Variants in NBEAL1 observed in about 807,000 individuals in gnomAD.
NBEAL1 encodes neurobeachin like 1.
Under a neutral mutation model 351.3 loss-of-function variants are expected in NBEAL1, and 273 were observed. That is an observed-to-expected ratio of 0.78 (90% CI 0.70 to 0.86). The LOEUF is 0.86. Ranked by LOEUF, NBEAL1 falls within the 40% of genes least tolerant of loss-of-function variation. The pLI, the probability that NBEAL1 is intolerant of heterozygous loss-of-function variation, is 0.00. For missense variants in NBEAL1, 2,961 were observed against 3,201.3 expected (o/e 0.92, Z 1.81); for synonymous variants, 1,050 against 1,086.4 (o/e 0.97, Z 0.66).
intron 31 of NBEAL1, among the ~76,000 whole-genome samples, chr2:203,142,829 G>A (rs534258800): frequency 3.9e-5 from 6 of 151,942 alleles, no homozygotes; most frequent in Admixed American, 2.0e-4. Flanking sequence ...TCCTTTAGTC[G>A]GATTCAAAAA....
intron 7 of NBEAL1, among the ~76,000 whole-genome samples, chr2:203,070,206 A>G (rs985309014): frequency 1.3e-5 from 2 of 151,636 alleles, no homozygotes; most frequent in African/African-American, 4.8e-5. Flanking sequence ...TTTTTTTTTT[A>G]ATGTACTTTT....
intron 10 of NBEAL1, among the ~76,000 whole-genome samples, chr2:203,088,208 A>G (rs2062003298): frequency 6.6e-6 from 1 of 152,234 alleles, no homozygotes; most frequent in Non-Finnish European, 1.5e-5. Flanking sequence ...CAAATTTTAA[A>G]TTATTATGAT....
At chr2:203,015,500 G>A (rs1186691744) in intron 1 of NBEAL1, among the ~76,000 whole-genome samples, 3 of 149,986 alleles carry the variant, frequency 2.0e-5, no homozygotes, top group East Asian at 2.0e-4. Flanking sequence ...TTGCTCTGTC[G>A]CCCAGACTGG....
At chr2:203,037,146 A>G (rs2061054205) in intron 2 of NBEAL1, among the ~76,000 whole-genome samples, 1 of 149,448 alleles carries the variant, frequency 6.7e-6, no homozygotes. Context: ...CCGTATATTA[A>G]TAGAAAAAGC....
chr2:203,208,606 C>A (rs770567839), intron 51 of NBEAL1, 31 bp from the exon 52 acceptor site: 1 of 1,512,532 alleles, frequency 6.6e-7, no homozygotes, highest in Non-Finnish European at 9.1e-7. Context: ...AAGAAACCAC[C>A]TTTACCTTTG....
chr2:203,153,199 C>CA (rs1384677462), intron 35 of NBEAL1, among the ~76,000 whole-genome samples: 1 of 152,094 alleles, frequency 6.6e-6, no homozygotes, highest in Non-Finnish European at 1.5e-5. Context: ...GAGGCTTGAA[C>CA]ATGGCTCACT....
In NBEAL1 at chr2:203,034,528, G is replaced by C. The variant is rs1339234877; in HGVS notation, c.52-7237G>C. Among the ~76,000 whole-genome samples the C allele has an allele frequency of 1.4e-5, 2 of 140,454 alleles. 1 individual carries two copies. Among genetic ancestry groups the C allele is most frequent in the African/African-American group, 5.2e-5 (2 of 38,516 alleles). 92.1% of individuals were successfully genotyped at this position (140,454 alleles called of 152,430 possible). A position where few individuals can be genotyped will look rare whatever the true frequency, so the allele number is the denominator to read the frequency against. The stretch of plus-strand genomic sequence containing the variant: ...GGCTGGAGTGCAATGGCACAATCTC[G>C]GCTCACTGAAACCTCCACCTCCCAT... On this transcript the variant is annotated intron_variant, in intron 2 of 55. Transcript: ENST00000683969.
chr2:203,033,110 C>T (rs865940665), intron 2 of NBEAL1, among the ~76,000 whole-genome samples: 3 of 152,056 alleles, frequency 2.0e-5, no homozygotes, highest in Admixed American at 6.5e-5. Flanking sequence ...ACACCATTCT[C>T]CTGCCTCAGC....
intron 4 of NBEAL1, among the ~76,000 whole-genome samples, chr2:203,052,870 A>G (rs1220205350): frequency 6.6e-6 from 1 of 151,914 alleles, no homozygotes; most frequent in Non-Finnish European, 1.5e-5. Context: ...ATAGGCATGA[A>G]CCACCGCACC....
intron 5 of NBEAL1, among the ~76,000 whole-genome samples, chr2:203,056,931 G>C (rs539695192): frequency 3.9e-5 from 6 of 152,132 alleles, no homozygotes; most frequent in Non-Finnish European, 7.3e-5. Flanking sequence ...TAATTGAGAA[G>C]AGACTTAAAC....
At chr2:203,056,404 A>C in intron 4 of NBEAL1, 23 bp from the exon 5 acceptor site, 1 of 1,378,594 alleles carries the variant, frequency 7.3e-7, no homozygotes, top group South Asian at 1.2e-5. Context: ...TATGTAAAAA[A>C]TTAAAGTCTC....
In NBEAL1 at chr2:203,127,824, A is replaced by G; in HGVS notation, c.3292A>G (p.Thr1098Ala). Residue 1098 changes from threonine to alanine, a missense_variant, in exon 24 of 56, where the codon ACA becomes GCA. By Grantham distance (58) the Thr-to-Ala change is moderately conservative. Coordinates refer to ENST00000683969, the MANE Select transcript of NBEAL1 (RefSeq NM_001378026.1). ...TGAACTATCTCTAGATGATATTCGA[A>G]CAATAAGGACTTCTTTGTATGGACT... ...YNELSLDDIR[T>A]IRTSLYGLIK... 1.3e-6 allele frequency: 2 copies of G among 1,529,890 alleles called. No homozygotes were observed. The highest frequency in any genetic ancestry group is 1.8e-6 in the Non-Finnish European group (2 of 1,126,096). The allele number at this position is 1,529,890 out of a possible 1,614,324, so 94.8% of individuals were successfully genotyped here. A position where few individuals can be genotyped will look rare whatever the true frequency, so the allele number is the denominator to read the frequency against.
At chr2:203,210,069 A>G (rs1232541399) in intron 53 of NBEAL1, among the ~76,000 whole-genome samples, 7 of 152,088 alleles carry the variant, frequency 4.6e-5, no homozygotes, top group Non-Finnish European at 1.0e-4. Flanking sequence ...TTCAATATTA[A>G]GAGTTTTGGG....
intron 49 of NBEAL1, 33 bp from the exon 50 acceptor site, chr2:203,201,505 CTTGTA>C: frequency 1.4e-6 from 2 of 1,451,528 alleles, no homozygotes; most frequent in Non-Finnish European, 1.8e-6. Context: ...TATACGTGAT[CTTGTA>C]AGGAAAAGTC....
Position 203,099,695 on chromosome 2 carries a change from A to C in NBEAL1, c.1252A>C (p.Lys418Gln). The change falls in exon 12 of 56, where the codon AAA (lysine) becomes CAA (glutamine). Residue 418 changes from lysine (K) to glutamine (Q), a missense_variant. By Grantham distance (53) the Lys-to-Gln change is moderately conservative. Transcript: ENST00000683969. ...TCAGGCTTTGACCGCAGTAATGAACAAATCTCCAGCTGCTAAGGTGAAACA... is the reference window on the plus strand; with the variant it reads ...TCAGGCTTTGACCGCAGTAATGAACCAATCTCCAGCTGCTAAGGTGAAACA... The part of the protein sequence containing the change: ...TIQALTAVMN[K>Q]SPAAKEVFKE... 1.3e-6 allele frequency: 2 copies of C among 1,548,830 alleles called. No homozygotes were observed. The highest frequency in any genetic ancestry group is 1.7e-6 in the Non-Finnish European group (2 of 1,145,932).
rs1357088497 is a variant in NBEAL1, at chr2:203,175,310, ATT to A, written c.6464+29_6464+30del. 3 of 1,612,264 alleles carry A rather than the reference ATT, an allele frequency of 1.9e-6. No homozygotes were observed. The South Asian group carries it at 3.3e-5, about 18-fold the overall frequency. Reference sequence around the variant, plus strand: ...AAGGTATGTTTTGAGTAAATAAGCTATTTTTTTATGACTATGTTAGTGTTGAA... The same window carrying A: ...AAGGTATGTTTTGAGTAAATAAGCTATTTTTATGACTATGTTAGTGTTGAA... On this transcript the variant is annotated intron_variant, in intron 42 of 55. Transcript: ENST00000683969.
chr2:203,090,944 A>C (rs1037489489), intron 10 of NBEAL1, among the ~76,000 whole-genome samples: 14 of 152,014 alleles, frequency 9.2e-5, no homozygotes, highest in African/African-American at 3.1e-4. Flanking sequence ...AGGGAAAGGG[A>C]AGGGAAGGGA....
rs1440376259 is a variant in NBEAL1, at chr2:203,084,477, A to G, written c.1006A>G (p.Met336Val). ...TATTTTCCTAGATACCATCACAGCCATGTTAGATTGTACAGATAGACCTGT... is the reference window on the plus strand; with the variant it reads ...TATTTTCCTAGATACCATCACAGCCGTGTTAGATTGTACAGATAGACCTGT... ...QIKMLNTITA[M>V]LDCTDRPVLQ... Residue 336 changes from methionine (M) to valine (V), a missense_variant, in exon 10 of 56, where the codon ATG becomes GTG. By Grantham distance (21) the Met-to-Val change is conservative. Transcript: ENST00000683969. The G allele has an allele frequency of 2.0e-6, 3 of 1,492,766 alleles. No homozygotes were observed. The highest frequency in any genetic ancestry group is 1.4e-5 in the South Asian group (1 of 72,926). The allele number at this position is 1,492,766 out of a possible 1,614,324, so 92.5% of individuals were successfully genotyped here.
chr2:203,080,285 G>A (rs1185171879), intron 8 of NBEAL1, among the ~76,000 whole-genome samples: 2 of 151,970 alleles, frequency 1.3e-5, no homozygotes, highest in Middle Eastern at 3.2e-3. Flanking sequence ...GGTGGTGGGC[G>A]CCTGTAATCC....
Sources: allele counts gnomAD v4.1 joint callset (sites outside exome capture counted in the v4.1 genomes callset), GRCh38; gene constraint gnomAD v4.1.1; transcripts MANE v1.5; gene names NCBI Gene and HGNC (gene_info 2026-07-23, HGNC 2026-07-21).